The following RBM26 variants were observed in gnomAD, a reference collection of about 807,000 sequenced individuals.
RBM26 encodes RNA binding motif protein 26.
A neutral mutation model predicts 123.6 loss-of-function variants in RBM26; 30 were observed. The observed-to-expected ratio is 0.24, with a 90% confidence interval of 0.18 to 0.33. RBM26 has a LOEUF of 0.33. Among genes scored for constraint, RBM26 ranks in the 10% least tolerant of loss-of-function variants. The probability of loss-of-function intolerance (pLI) is 1.00; values close to 1 mark genes in which losing one functional copy is unlikely to be tolerated. For synonymous variants in RBM26, 400 were observed against 404.4 expected (o/e 0.99, Z 0.13); for missense variants, 947 against 1,203.6 (o/e 0.79, Z 3.15).
intron 1 of RBM26, among the ~76,000 whole-genome samples, chr13:79,396,753 C>G (rs1426111728): frequency 2.0e-5 from 3 of 152,144 alleles, no homozygotes. Context: ...ATTATCAAAT[C>G]TACCATAATA....
intron 1 of RBM26, among the ~76,000 whole-genome samples, chr13:79,395,204 C>T (rs554722983): frequency 2.6e-5 from 4 of 152,164 alleles, no homozygotes; most frequent in East Asian, 3.9e-4. Context: ...CTACATGAGA[C>T]GAAACAGTCA....
At chr13:79,369,888 GATGTAC>G (rs1459494547) in intron 5 of RBM26, among the ~76,000 whole-genome samples, 3 of 152,048 alleles carry the variant, frequency 2.0e-5, no homozygotes, top group Admixed American at 6.6e-5. Flanking sequence ...ACAAATAAAT[GATGTAC>G]ATATTCATCA....
intron 19 of RBM26, 62 bp downstream of exon 19, chr13:79,337,040 T>G: frequency 7.0e-7 from 1 of 1,436,094 alleles, no homozygotes; most frequent in Non-Finnish European, 9.7e-7. Flanking sequence ...TCCTCTTTAA[T>G]TATGTCTACT....
chr13:79,385,396 A>G (rs2077395284), intron 1 of RBM26, among the ~76,000 whole-genome samples: 1 of 152,344 alleles, frequency 6.6e-6, no homozygotes, highest in Admixed American at 6.5e-5. Flanking sequence ...AATATGATCC[A>G]TCCTTGAGCA....
rs1455296423 is a variant in RBM26, at chr13:79,400,548, CA to C, written c.71+5155del. On this transcript the variant is annotated intron_variant, in intron 1 of 21. Coordinates refer to ENST00000438737, the MANE Select transcript of RBM26 (RefSeq NM_001366735.2). ...ATTTCAACATGAATTCTGGAGAAGA[CA>C]AACATTCAAATCTTAGCAGTAATTA... Among the ~76,000 whole-genome samples, 4 of 152,130 alleles carry C rather than the reference CA, an allele frequency of 2.6e-5. No homozygotes were observed. In the East Asian group the frequency reaches 5.8e-4, roughly 22 times the overall value.
At position 79,372,121 on chromosome 13, in the gene RBM26, A is replaced by C. The variant is rs1243720484; in HGVS notation, c.328-191T>G. Reference sequence around the variant, plus strand: ...TGGTGAAACCCTGTCTCTACTAAAAATACAAAGATTAGCTGGGCACAGTGG... The same window carrying C: ...TGGTGAAACCCTGTCTCTACTAAAACTACAAAGATTAGCTGGGCACAGTGG... On this transcript the variant is annotated intron_variant, in intron 3 of 21. Transcript: ENST00000438737. 2.6e-5 allele frequency among the ~76,000 whole-genome samples: 4 copies of C among 152,108 alleles called. No homozygotes were observed. The East Asian group carries it at 7.7e-4, about 29-fold the overall frequency.
chr13:79,350,151 T>C (rs1315654747), intron 14 of RBM26, among the ~76,000 whole-genome samples: 1 of 152,240 alleles, frequency 6.6e-6, no homozygotes, highest in Non-Finnish European at 1.5e-5. Context: ...CTTTTAATTA[T>C]ACCACACAAT....
downstream of RBM26, among the ~76,000 whole-genome samples, chr13:79,316,813 G>A (rs559579763): frequency 6.6e-6 from 1 of 151,746 alleles, no homozygotes; most frequent in South Asian, 2.1e-4. Flanking sequence ...AATACACAAC[G>A]TTCCTCAATT....
chr13:79,344,911 C>T lies in RBM26; in HGVS notation c.2059-117G>A, dbSNP rs1433170354. The T allele has an allele frequency of 4.6e-6, 4 of 877,644 alleles. No individual in the cohort carries two copies. In the African/African-American group the frequency reaches 7.0e-5, roughly 15 times the overall value. 54.4% of individuals were successfully genotyped at this position (877,644 alleles called of 1,614,324 possible). ...AACTTCAGCTTCAAAACACACTGAA[C>T]TAAATGTATTTTATACTTATAATAA... On this transcript the variant is annotated intron_variant, in intron 14 of 21. Coordinates refer to ENST00000438737, the MANE Select transcript of RBM26 (RefSeq NM_001366735.2).
intron 14 of RBM26, among the ~76,000 whole-genome samples, chr13:79,350,407 C>G (rs1165230352): frequency 6.6e-6 from 1 of 152,188 alleles, no homozygotes; most frequent in Non-Finnish European, 1.5e-5. Context: ...CTAACCAGGA[C>G]AGTATACACA....
intron 1 of RBM26, among the ~76,000 whole-genome samples, chr13:79,386,962 A>G (rs1185280274): frequency 6.6e-6 from 1 of 152,170 alleles, no homozygotes; most frequent in Non-Finnish European, 1.5e-5. Flanking sequence ...CCTTTTTCTC[A>G]TATTTCTTTA....
chr13:79,381,166 G>C (rs544577289), intron 1 of RBM26, among the ~76,000 whole-genome samples: 105 of 152,038 alleles, frequency 6.9e-4, no homozygotes, highest in Admixed American at 2.9e-3. Flanking sequence ...AGAAACTGAG[G>C]TTCAGAGAAA....
At chr13:79,316,192 G>GGTGTGTGTGTGTGTGTGTGTGTGTGT (rs3064578), downstream of RBM26, among the ~76,000 whole-genome samples, 96 of 142,090 alleles carry the variant, frequency 6.8e-4, 1 homozygote, top group African/African-American at 2.1e-3. Flanking sequence ...AAGTGGGGCA[G>GGTGTGTGTGTGTGTGTGTGTGTGTGT]GTGTGTGTGT....
rs140897940 is a variant in RBM26, at chr13:79,398,471, A to C, written c.71+7233T>G. On this transcript the variant is annotated intron_variant, in intron 1 of 21. Transcript: ENST00000438737. ...GGCCAAATAAGATTGCAGCAGCAAA[A>C]TGTGATTATGAAAGTCAATTTATCA... is the stretch of plus-strand genomic sequence containing the variant. 9.9e-3 allele frequency among the ~76,000 whole-genome samples: 1,503 copies of C among 152,324 alleles called. 18 individuals are homozygous for C. Among genetic ancestry groups the C allele is most frequent in the Non-Finnish European group, 0.014 (933 of 68,014 alleles).
Position 79,320,449 on chromosome 13 carries a change from T to G in RBM26, c.*172A>C. ...TACTGAAGTAAAATGCAAACATCAA[T>G]CTTTCAAAATACAAGATCAGAAGGT... On this transcript the variant is annotated 3_prime_UTR_variant, in exon 22 of 22. Coordinates refer to ENST00000438737, the MANE Select transcript of RBM26 (RefSeq NM_001366735.2). 8.0e-7 allele frequency: 1 copy of G among 1,247,204 alleles called. No individual in the cohort carries two copies. The highest frequency in any genetic ancestry group is 1.0e-6 in the Non-Finnish European group (1 of 991,666). 77.3% of individuals were successfully genotyped at this position (1,247,204 alleles called of 1,614,324 possible).
At position 79,405,857 on chromosome 13, in the gene RBM26, T is replaced by C. The variant is rs2079489090; in HGVS notation, c.-83A>G. 1 of 818,708 alleles carries C rather than the reference T, an allele frequency of 1.2e-6. No individual in the cohort carries two copies. The highest frequency in any genetic ancestry group is 3.5e-5 in the East Asian group (1 of 28,768). The allele number at this position is 818,708 out of a possible 1,614,324, so 50.7% of individuals were successfully genotyped here. A position where few individuals can be genotyped will look rare whatever the true frequency, so the allele number is the denominator to read the frequency against. ...AGCCGCCGCTGCCCCCGCCCCCTCC[T>C]CCGCGCGCCGCCCGCGTGGGCCGCG... On this transcript the variant is annotated 5_prime_UTR_variant, in exon 1 of 22. Transcript: ENST00000438737.
intron 20 of RBM26, among the ~76,000 whole-genome samples, chr13:79,333,481 A>C (rs1349558516): frequency 2.6e-5 from 4 of 152,210 alleles, no homozygotes; most frequent in African/African-American, 9.7e-5. Context: ...AGGATAAATA[A>C]ATGTAGAGGT....
At position 79,319,648 on chromosome 13, in the gene RBM26, C is replaced by T; in HGVS notation, c.*973G>A. The T allele has an allele frequency of 1.0e-6, 1 of 984,260 alleles. No individual in the cohort carries two copies. The highest frequency in any genetic ancestry group is 1.2e-6 in the Non-Finnish European group (1 of 829,168). The allele number at this position is 984,260 out of a possible 1,614,324, so 61.0% of individuals were successfully genotyped here. On this transcript the variant is annotated 3_prime_UTR_variant, in exon 22 of 22. Transcript: ENST00000438737. Reference sequence around the variant, plus strand: ...ATGTAATGTGATGTTTTCTTATTCACCAAATGTTAGCTCTACTTGCAGTCT... The same window carrying T: ...ATGTAATGTGATGTTTTCTTATTCATCAAATGTTAGCTCTACTTGCAGTCT...
intron 10 of RBM26, among the ~76,000 whole-genome samples, chr13:79,358,655 A>T (rs558174724): frequency 4.1e-4 from 62 of 152,302 alleles, no homozygotes; most frequent in African/African-American, 1.4e-3. Flanking sequence ...GGGTTCTGCC[A>T]TATCATTTGT....
Sources: gnomAD v4.1 joint callset for allele counts (sites outside exome capture counted in the v4.1 genomes callset) on GRCh38, gnomAD v4.1.1 for gene constraint, MANE v1.5 for transcripts, NCBI Gene and HGNC (gene_info 2026-07-23, HGNC 2026-07-21) for gene names.